RAB11FIP3: variants seen among roughly 807,000 people sequenced by gnomAD.
RAB11FIP3 encodes rab11 family-interacting protein 3.
In RAB11FIP3, 17 loss-of-function variants were observed where a neutral mutation model predicts 77.8. The observed-to-expected ratio is 0.22, with a 90% CI of 0.15 to 0.33. The LOEUF (loss-of-function observed/expected upper bound fraction) is 0.33, where lower values mean the gene tolerates loss of function less well. Ranked by LOEUF, RAB11FIP3 falls within the 10% of genes least tolerant of loss-of-function variation. RAB11FIP3 has a pLI of 1.00. For synonymous variants in RAB11FIP3, 437 were observed against 448.2 expected (o/e 0.98, Z 0.31); for missense variants, 1,005 against 1,011.2 (o/e 0.99, Z 0.08).
intron 1 of RAB11FIP3, among the ~76,000 whole-genome samples, chr16:427,868 G>A (rs1395753930): frequency 6.6e-6 from 1 of 152,166 alleles, no homozygotes; most frequent in Non-Finnish European, 1.5e-5. Context: ...AGGAGGCCGA[G>A]GCGGGCGGAT....
In RAB11FIP3 at chr16:520,735, G is replaced by A; in HGVS notation, c.2167G>A (p.Ala723Thr). Reference sequence around the variant, plus strand: ...CCTGCTTGCCCTACAGCTCATGGAGGCGATTCAGAAGCAGGAGGAGATCAA... The same window carrying A: ...CCTGCTTGCCCTACAGCTCATGGAGACGATTCAGAAGCAGGAGGAGATCAA... ...SSVSRDELME[A>T]IQKQEEINFR... Residue 723 changes from alanine (A) to threonine (T), a missense_variant, in exon 14 of 14, where the codon GCG (alanine) becomes ACG (threonine). Coordinates refer to ENST00000262305, the MANE Select transcript of RAB11FIP3 (RefSeq NM_014700.4). 2.5e-6 allele frequency: 4 copies of A among 1,613,684 alleles called. No individual in the cohort carries two copies. Among genetic ancestry groups the A allele is most frequent in the Non-Finnish European group, 3.4e-6 (4 of 1,180,010 alleles).
chr16:473,502 C>A (rs2055845507), intron 3 of RAB11FIP3, among the ~76,000 whole-genome samples: 1 of 152,184 alleles, frequency 6.6e-6, no homozygotes, highest in Non-Finnish European at 1.5e-5. Context: ...CAGTCTCGAT[C>A]TTGGCTCACC....
intron 2 of RAB11FIP3, among the ~76,000 whole-genome samples, chr16:464,931 AATTT>A (rs1470810662): frequency 3.3e-5 from 5 of 152,046 alleles, no homozygotes; most frequent in Non-Finnish European, 7.4e-5. Flanking sequence ...TTCCAAACAG[AATTT>A]TGTGTGTAAT....
intron 1 of RAB11FIP3, among the ~76,000 whole-genome samples, chr16:428,232 C>G (rs1445733369): frequency 3.9e-5 from 6 of 152,120 alleles, no homozygotes; most frequent in Non-Finnish European, 5.9e-5. Flanking sequence ...AGCTTAGCTC[C>G]GGTTGGGATA....
intron 1 of RAB11FIP3, among the ~76,000 whole-genome samples, chr16:434,549 C>A (rs1380191327): frequency 6.6e-6 from 1 of 152,170 alleles, no homozygotes; most frequent in African/African-American, 2.4e-5. Flanking sequence ...ATCTCAGCCT[C>A]CCAGGTAGCT....
rs139140132 is a variant in RAB11FIP3, at chr16:457,983, C to G, written c.715-3421C>G. On this transcript the variant is annotated intron_variant, in intron 1 of 13. Transcript: ENST00000262305. ...AGGAAGTTGGTTGATGATGGACTTC[C>G]GAGGCTAGAGTCACGCTAGCACACA... Among the ~76,000 whole-genome samples, 15 of 152,328 alleles carry G rather than the reference C, an allele frequency of 9.8e-5. No individual in the cohort carries two copies. In the East Asian group the frequency reaches 2.9e-3, roughly 29 times the overall value.
intron 3 of RAB11FIP3, among the ~76,000 whole-genome samples, chr16:480,561 G>T (rs1276293349): frequency 6.6e-6 from 1 of 151,952 alleles, no homozygotes; most frequent in East Asian, 1.9e-4. Context: ...GTGCAGTGGC[G>T]TGATCTCAAT....
intron 2 of RAB11FIP3, among the ~76,000 whole-genome samples, chr16:465,222 G>T (rs1180084889): frequency 6.6e-6 from 1 of 152,108 alleles, no homozygotes; most frequent in Non-Finnish European, 1.5e-5. Flanking sequence ...CAGGCTTCTA[G>T]GTTGATGGTG....
At chr16:497,557 C>T in intron 6 of RAB11FIP3, 7 of 939,276 alleles carry the variant, frequency 7.5e-6, no homozygotes, top group Non-Finnish European at 8.3e-6. Context: ...CTGGAGCATC[C>T]CCTCTGGAGC....
At chr16:486,666 C>T (rs1464350686) in intron 4 of RAB11FIP3, among the ~76,000 whole-genome samples, 2 of 152,180 alleles carry the variant, frequency 1.3e-5, no homozygotes, top group Non-Finnish European at 2.9e-5. Flanking sequence ...GTGGCCTGGG[C>T]CTCTTGGTCC....
At chr16:433,320 C>T (rs149362015) in intron 1 of RAB11FIP3, among the ~76,000 whole-genome samples, 92 of 143,884 alleles carry the variant, frequency 6.4e-4, no homozygotes, top group Non-Finnish European at 5.8e-4. Flanking sequence ...CGTGAGCCAC[C>T]GCTCATTGCA....
chr16:443,889 A>C (rs552358835), intron 1 of RAB11FIP3, among the ~76,000 whole-genome samples: 11 of 152,312 alleles, frequency 7.2e-5, no homozygotes, highest in African/African-American at 2.6e-4. Flanking sequence ...TAAAGCATTT[A>C]AGAAAATATT....
chr16:510,835 C>T, intron 9 of RAB11FIP3, 35 bp downstream of exon 9: 3 of 1,605,732 alleles, frequency 1.9e-6, no homozygotes, highest in Non-Finnish European at 2.6e-6. Context: ...CACCCCAGAA[C>T]CTGCAGGCCA....
intron 1 of RAB11FIP3, among the ~76,000 whole-genome samples, chr16:450,539 A>G (rs552427048): frequency 6.6e-6 from 1 of 152,232 alleles, no homozygotes; most frequent in South Asian, 2.1e-4. Context: ...TCAGGGGTCT[A>G]GGTCTGAGTC....
rs557409093 is a variant in RAB11FIP3 at position 441,226 on chromosome 16, G to A, written c.714+14506G>A. On this transcript the variant is annotated intron_variant, in intron 1 of 13. Transcript: ENST00000262305. ...CAGAGTGCTGGGATTATAGGCCACC[G>A]TCGCCATCGCGCCTGGCCCTATTTT... Among the ~76,000 whole-genome samples, 27 of 152,280 alleles carry A rather than the reference G, an allele frequency of 1.8e-4. No homozygotes were observed. In the South Asian group the frequency reaches 2.1e-3, roughly 12 times the overall value.
chr16:444,958 C>CA (rs1256772598), intron 1 of RAB11FIP3, among the ~76,000 whole-genome samples: 1 of 151,208 alleles, frequency 6.6e-6, no homozygotes, highest in Non-Finnish European at 1.5e-5. Flanking sequence ...ACTAAAAATA[C>CA]AAAAAATTAG....
intron 7 of RAB11FIP3, among the ~76,000 whole-genome samples, chr16:504,016 T>C (rs184912011): frequency 1.5e-3 from 29 of 19,910 alleles, no homozygotes; most frequent in Non-Finnish European, 2.2e-3. Flanking sequence ...ACCCCCTCAC[T>C]ACCTCCTGTA....
intron 1 of RAB11FIP3, among the ~76,000 whole-genome samples, chr16:431,179 GTA>G (rs2055029391): frequency 6.6e-6 from 1 of 152,100 alleles, no homozygotes; most frequent in Admixed American, 6.6e-5. Flanking sequence ...AGGGATGTGT[GTA>G]TGTGGGAGTG....
intron 6 of RAB11FIP3, among the ~76,000 whole-genome samples, chr16:501,431 C>T (rs2031509532): frequency 6.7e-6 from 1 of 148,768 alleles, no homozygotes; most frequent in Admixed American, 6.7e-5. Flanking sequence ...AGGGTCCCCC[C>T]ATTTCATAGG....
Sources: gnomAD v4.1 joint callset for allele counts (sites outside exome capture counted in the v4.1 genomes callset) on GRCh38, gnomAD v4.1.1 for gene constraint, MANE v1.5 for transcripts, NCBI Gene and HGNC (gene_info 2026-07-23, HGNC 2026-07-21) for gene names.